Variants in FOXP1 observed in about 807,000 individuals in gnomAD.
FOXP1 encodes the protein forkhead box P1, also known as forkhead box protein P1.
FOXP1 carries 15 observed loss-of-function variants against 98.2 expected under a neutral mutation model. The ratio of observed to expected loss-of-function variants is 0.15; its 90% CI spans 0.10 to 0.24. FOXP1 has a LOEUF of 0.24. Ranked by LOEUF, FOXP1 falls within the 10% of genes least tolerant of loss-of-function variation. The pLI is 1.00. For missense variants in FOXP1, 633 were observed against 848.5 expected (o/e 0.75, Z 3.15); for synonymous variants, 371 against 314.5 (o/e 1.18, Z -1.90).
At chr3:71,097,836 T>A (rs1269979402) in intron 7 of FOXP1, among the ~76,000 whole-genome samples, 1 of 152,214 alleles carries the variant, frequency 6.6e-6, no homozygotes, top group Non-Finnish European at 1.5e-5. Flanking sequence ...CACCTTTGAC[T>A]ATCCAAGACA....
intron 3 of FOXP1, among the ~76,000 whole-genome samples, chr3:71,397,955 G>C (rs2108188421): frequency 6.6e-6 from 1 of 152,300 alleles, no homozygotes; most frequent in African/African-American, 2.4e-5. Flanking sequence ...AAGAAGCAGA[G>C]AGAGTGGGGA....
chr3:71,126,871 CA>C (rs1230464030), intron 6 of FOXP1, among the ~76,000 whole-genome samples: 79 of 77,142 alleles, frequency 1.0e-3, no homozygotes, highest in African/African-American at 2.3e-3. Context: ...AAAAAACAAA[CA>C]AAAAAAAAAA....
chr3:71,249,246 A>C (rs2068000204), intron 5 of FOXP1, among the ~76,000 whole-genome samples: 1 of 152,268 alleles, frequency 6.6e-6, no homozygotes, highest in Non-Finnish European at 1.5e-5. Flanking sequence ...CAGCCCAGCC[A>C]ACCCAGCAAA....
chr3:70,974,681 G>A (rs373127467), intron 17 of FOXP1, among the ~76,000 whole-genome samples: 130 of 152,252 alleles, frequency 8.5e-4, no homozygotes, highest in African/African-American at 3.0e-3. Context: ...ATAAATAAAC[G>A]GACAGAGCCA....
rs534055738 is a variant in FOXP1 at position 71,541,732 on chromosome 3, T to C, written c.-298+39817A>G. ...CAGATACTGAACACAATGTTGCCTC[T>C]GTTACAAGAAGATGAAAAGTTGAAA... On this transcript the variant is annotated intron_variant, in intron 2 of 20. Coordinates refer to ENST00000649528, the MANE Select transcript of FOXP1 (RefSeq NM_001349338.3). Among the ~76,000 whole-genome samples, 8 of 152,266 alleles carry C rather than the reference T, an allele frequency of 5.3e-5. No homozygotes were observed. In the South Asian group the frequency reaches 1.7e-3, roughly 32 times the overall value.
At chr3:71,509,742 C>T (rs1466755261) in intron 2 of FOXP1, among the ~76,000 whole-genome samples, 2 of 152,088 alleles carry the variant, frequency 1.3e-5, no homozygotes, top group East Asian at 3.9e-4. Context: ...ATTAGCCGGG[C>T]TCAGTGACAT....
chr3:71,400,314 T>G (rs1158805890), intron 3 of FOXP1, among the ~76,000 whole-genome samples: 1 of 152,122 alleles, frequency 6.6e-6, no homozygotes, highest in Non-Finnish European at 1.5e-5. Flanking sequence ...GTTAGTGTAT[T>G]GGGTGTTTCT....
chr3:71,111,293 G>A (rs2057897846), intron 7 of FOXP1, among the ~76,000 whole-genome samples: 1 of 152,128 alleles, frequency 6.6e-6, no homozygotes, highest in Admixed American at 6.5e-5. Context: ...TTAGGACCCG[G>A]GTGCCAAGTG....
chr3:71,577,710 G>T (rs1257184428), intron 2 of FOXP1, among the ~76,000 whole-genome samples: 6 of 151,958 alleles, frequency 3.9e-5, no homozygotes, highest in Non-Finnish European at 7.4e-5. Context: ...ATGGGCCCAA[G>T]TGCAAACCTA....
At chr3:71,309,884 T>C (rs1303865299) in intron 4 of FOXP1, among the ~76,000 whole-genome samples, 1 of 152,106 alleles carries the variant, frequency 6.6e-6, no homozygotes, top group Non-Finnish European at 1.5e-5. Context: ...TGCCATCTTG[T>C]GCTTTCTGTT....
intron 14 of FOXP1, among the ~76,000 whole-genome samples, chr3:70,986,103 A>G (rs951319991): frequency 6.6e-6 from 1 of 152,228 alleles, no homozygotes; most frequent in Non-Finnish European, 1.5e-5. Context: ...ACAATTTTCT[A>G]GAAAGTAAAA....
At chr3:71,502,565 A>G (rs1005601245) in intron 2 of FOXP1, among the ~76,000 whole-genome samples, 8 of 152,168 alleles carry the variant, frequency 5.3e-5, no homozygotes, top group African/African-American at 1.9e-4. Flanking sequence ...TATTATTTTC[A>G]TCTTCACACT....
At chr3:71,065,026 C>G (rs1334845962) in intron 7 of FOXP1, 1 of 141,234 alleles carries the variant, frequency 7.1e-6, no homozygotes, top group Admixed American at 7.0e-5. Flanking sequence ...TCTAAACACC[C>G]CGCGCCGCGC....
At chr3:71,476,154 A>G (rs2089819588) in intron 3 of FOXP1, among the ~76,000 whole-genome samples, 1 of 152,246 alleles carries the variant, frequency 6.6e-6, no homozygotes, top group Non-Finnish European at 1.5e-5. Context: ...CACAATGGAA[A>G]TGACTGAAAG....
chr3:71,379,293 T>G (rs763306736), intron 3 of FOXP1, among the ~76,000 whole-genome samples: 2 of 152,174 alleles, frequency 1.3e-5, no homozygotes, highest in Non-Finnish European at 2.9e-5. Context: ...GGTACAGGCA[T>G]AGCAACAAAT....
At chr3:71,066,053 AAGG>A (rs1445439203) in intron 7 of FOXP1, among the ~76,000 whole-genome samples, 1 of 150,182 alleles carries the variant, frequency 6.7e-6, no homozygotes, top group African/African-American at 2.5e-5. Flanking sequence ...ATTAGAGGAA[AAGG>A]AGTAGTGTGA....
In FOXP1 at chr3:71,328,974, T is replaced by TAAAAAAAAAAAA. The variant is rs869252301; in HGVS notation, c.-72-29106_-72-29095dup. ...CAACAAGAGCGAAACTCCATCTCGC[T>TAAAAAAAAAAAA]AAAAAAAAAAAAAAACAAAAAAAAA... On this transcript the variant is annotated intron_variant, in intron 4 of 20. Coordinates refer to ENST00000649528, the MANE Select transcript of FOXP1 (RefSeq NM_001349338.3). 5.5e-4 allele frequency among the ~76,000 whole-genome samples: 17 copies of TAAAAAAAAAAAA among 31,184 alleles called. 2 individuals are homozygous for TAAAAAAAAAAAA. Among genetic ancestry groups the TAAAAAAAAAAAA allele is most frequent in the East Asian group, 3.5e-3 (1 of 282 alleles). The allele number at this position is 31,184 out of a possible 152,430, so 20.5% of individuals were successfully genotyped here. A position where few individuals can be genotyped will look rare whatever the true frequency, so the allele number is the denominator to read the frequency against.
rs371881135 is a variant in FOXP1, at chr3:71,404,158, G to A, written c.-167-44914C>T. ...TTTTTTTTTTTTGAGATGGAGTTTC[G>A]CTCTTGTTGCCCAGGCTGGAGTCCA... On this transcript the variant is annotated intron_variant, in intron 3 of 20. Coordinates refer to ENST00000649528, the MANE Select transcript of FOXP1 (RefSeq NM_001349338.3). Among the ~76,000 whole-genome samples, 6 of 87,764 alleles carry A rather than the reference G, an allele frequency of 6.8e-5. No homozygotes were observed. The Admixed American group carries it at 7.1e-4, about 10-fold the overall frequency. The allele number at this position is 87,764 out of a possible 152,430, so 57.6% of individuals were successfully genotyped here.
intron 18 of FOXP1, 149 bp from the exon 19 acceptor site, chr3:70,970,954 C>T (rs1448824282): frequency 4.4e-6 from 3 of 689,146 alleles, no homozygotes; most frequent in Non-Finnish European, 7.9e-6. Flanking sequence ...TTCTCCCCGT[C>T]ACTGATTTGC....
Sources: gnomAD v4.1 joint callset for allele counts (sites outside exome capture counted in the v4.1 genomes callset) on GRCh38, gnomAD v4.1.1 for gene constraint, MANE v1.5 for transcripts, NCBI Gene and HGNC (gene_info 2026-07-23, HGNC 2026-07-21) for gene names.